BCL2: variants seen among roughly 807,000 people sequenced by gnomAD.
BCL2 encodes apoptosis regulator Bcl-2.
In BCL2, 1 loss-of-function variant was observed where a neutral mutation model predicts 14.2. That is an observed-to-expected ratio of 0.07 (90% CI 0.02 to 0.33). The LOEUF is 0.33. Ranked by LOEUF, BCL2 falls within the 10% of genes least tolerant of loss-of-function variation. BCL2 has a pLI of 0.99. For missense variants in BCL2, 247 were observed against 305.9 expected (o/e 0.81, Z 1.44); for synonymous variants, 151 against 137.2 (o/e 1.10, Z -0.70).
At chr18:63,172,581 A>G (rs980067503) in intron 2 of BCL2, among the ~76,000 whole-genome samples, 1 of 152,156 alleles carries the variant, frequency 6.6e-6, no homozygotes, top group Non-Finnish European at 1.5e-5. Flanking sequence ...GGAGATCGAG[A>G]CCATCCTAGC....
At chr18:63,302,449 C>T (rs1568263667) in intron 2 of BCL2, 20 of 985,338 alleles carry the variant, frequency 2.0e-5, no homozygotes, top group Non-Finnish European at 2.2e-5. Flanking sequence ...TGTCCCTCTG[C>T]CCGAATAATA....
rs982865178 is a variant in BCL2 at position 63,124,498 on chromosome 18, G to A, written c.*4127C>T. 1.7e-5 allele frequency: 4 copies of A among 231,584 alleles called. No homozygotes were observed. Among genetic ancestry groups the A allele is most frequent in the African/African-American group, 8.9e-5 (4 of 45,166 alleles). The allele number at this position is 231,584 out of a possible 1,614,324, so 14.3% of individuals were successfully genotyped here. A position where few individuals can be genotyped will look rare whatever the true frequency, so the allele number is the denominator to read the frequency against. Reference sequence around the variant, plus strand: ...AGGTTCTTCGCAGAGGCATCACATCGACCCCAATACAGGTCCTTCATACCC... The same window carrying A: ...AGGTTCTTCGCAGAGGCATCACATCAACCCCAATACAGGTCCTTCATACCC... On this transcript the variant is annotated 3_prime_UTR_variant, in exon 3 of 3. Coordinates refer to ENST00000333681, the MANE Select transcript of BCL2 (RefSeq NM_000633.3).
intron 2 of BCL2, among the ~76,000 whole-genome samples, chr18:63,230,353 T>C (rs938718359): frequency 6.6e-6 from 1 of 152,146 alleles, no homozygotes; most frequent in African/African-American, 2.4e-5. Context: ...ATGTTTAGCA[T>C]TGAATTTAAT....
chr18:63,198,381 CACAG>C (rs1240850446), intron 2 of BCL2, among the ~76,000 whole-genome samples: 1 of 149,342 alleles, frequency 6.7e-6, no homozygotes, highest in Admixed American at 6.7e-5. Flanking sequence ...CATAGACACA[CACAG>C]ACACCCATTG....
chr18:63,274,607 T>TTA (rs1193293051), intron 2 of BCL2, among the ~76,000 whole-genome samples: 1 of 152,110 alleles, frequency 6.6e-6, no homozygotes, highest in African/African-American at 2.4e-5. Context: ...ATACTCTAAA[T>TTA]AACACTTTTC....
chr18:63,288,182 A>G (rs1912529872), intron 2 of BCL2, among the ~76,000 whole-genome samples: 1 of 152,238 alleles, frequency 6.6e-6, no homozygotes, highest in South Asian at 2.1e-4. Context: ...TACAGCTACA[A>G]TGAAAAAGAA....
chr18:63,225,332 A>C (rs1324994225), intron 2 of BCL2, among the ~76,000 whole-genome samples: 1 of 152,184 alleles, frequency 6.6e-6, no homozygotes, highest in Non-Finnish European at 1.5e-5. Flanking sequence ...CAGACAGGTA[A>C]ATTTTTATCT....
At position 63,185,329 on chromosome 18, in the gene BCL2, G is replaced by A. The variant is rs149809770; in HGVS notation, c.586-56570C>T. On this transcript the variant is annotated intron_variant, in intron 2 of 2. Transcript: ENST00000333681. ...TCAGGTCAATTCTTTGGGTTCTAAC[G>A]TCTGACTATTTGTGATTTCACAAAG... Among the ~76,000 whole-genome samples, 41 of 152,306 alleles carry A rather than the reference G, an allele frequency of 2.7e-4. 1 individual carries two copies. Among genetic ancestry groups the A allele is most frequent in the South Asian group, 2.5e-3 (12 of 4,826 alleles).
At chr18:63,284,943 G>C (rs1178443382) in intron 2 of BCL2, among the ~76,000 whole-genome samples, 1 of 152,190 alleles carries the variant, frequency 6.6e-6, no homozygotes, top group Non-Finnish European at 1.5e-5. Context: ...CTCCAGCAAG[G>C]GCAGACGCCA....
At position 63,199,389 on chromosome 18, in the gene BCL2, GACAC is replaced by G. The variant is rs376943950; in HGVS notation, c.586-70634_586-70631del. On this transcript the variant is annotated intron_variant, in intron 2 of 2. Transcript: ENST00000333681. Reference sequence around the variant, plus strand: ...CACACAACACACACAGACATGCATAGACACACACAACACACACAGCCATAAACAT... The same window carrying G: ...CACACAACACACACAGACATGCATAGACACAACACACACAGCCATAAACAT... 5.9e-3 allele frequency among the ~76,000 whole-genome samples: 865 copies of G among 147,276 alleles called. 14 individuals are homozygous for G. The highest frequency in any genetic ancestry group is 0.021 in the African/African-American group (833 of 39,686).
intron 2 of BCL2, among the ~76,000 whole-genome samples, chr18:63,131,624 T>A (rs1003608552): frequency 6.6e-6 from 1 of 152,194 alleles, no homozygotes; most frequent in Non-Finnish European, 1.5e-5. Context: ...ATGGGTAGGC[T>A]GAAACCCCCA....
chr18:63,251,208 C>T (rs893349432), intron 2 of BCL2, among the ~76,000 whole-genome samples: 10 of 151,932 alleles, frequency 6.6e-5, no homozygotes, highest in East Asian at 3.9e-4. Flanking sequence ...ACAAGCTGTG[C>T]GTTGATGAGG....
At chr18:63,204,386 C>T (rs565175902) in intron 2 of BCL2, among the ~76,000 whole-genome samples, 2 of 152,352 alleles carry the variant, frequency 1.3e-5, no homozygotes, top group South Asian at 2.1e-4. Flanking sequence ...AAAACCTCCA[C>T]AGCGGGGCCA....
At position 63,318,799 on chromosome 18, in the gene BCL2, G is replaced by T; in HGVS notation, c.-133C>A. ...TGTGCTTTGCATTCTTGGACGAGGG[G>T]GTGTCTTCAATCACGCGGAACACTT... is the stretch of plus-strand genomic sequence containing the variant. On this transcript the variant is annotated 5_prime_UTR_variant, in exon 2 of 3. Transcript: ENST00000333681. The surrounding 1 kb of genome is among the most constrained non-coding windows in gnomAD (Gnocchi z 7.4). 6.8e-7 allele frequency: 1 copy of T among 1,469,860 alleles called. No individual in the cohort carries two copies. Among genetic ancestry groups the T allele is most frequent in the Non-Finnish European group, 9.0e-7 (1 of 1,110,626 alleles). 91.1% of individuals were successfully genotyped at this position (1,469,860 alleles called of 1,614,324 possible).
chr18:63,286,351 G>C (rs996930065), intron 2 of BCL2, among the ~76,000 whole-genome samples: 1 of 152,122 alleles, frequency 6.6e-6, no homozygotes, highest in African/African-American at 2.4e-5. Flanking sequence ...AAAACCTATT[G>C]TATATATACA....
At chr18:63,240,950 A>G (rs186233836) in intron 2 of BCL2, among the ~76,000 whole-genome samples, 39 of 152,392 alleles carry the variant, frequency 2.6e-4, no homozygotes, top group Non-Finnish European at 4.3e-4. Context: ...AATAAATACC[A>G]TGAAAATATC....
intron 2 of BCL2, among the ~76,000 whole-genome samples, chr18:63,162,358 A>C (rs1450154114): frequency 6.6e-6 from 1 of 152,066 alleles, no homozygotes; most frequent in Non-Finnish European, 1.5e-5. Flanking sequence ...CCAAAACCCC[A>C]CCAACACGTC....
intron 2 of BCL2, among the ~76,000 whole-genome samples, chr18:63,187,633 C>G (rs1051672273): frequency 2.0e-5 from 3 of 152,108 alleles, no homozygotes; most frequent in Admixed American, 1.3e-4. Context: ...CAGTAAATAG[C>G]TGAATAAAGA....
intron 2 of BCL2, among the ~76,000 whole-genome samples, chr18:63,276,257 C>T (rs967866775): frequency 2.0e-5 from 3 of 152,224 alleles, no homozygotes; most frequent in African/African-American, 7.2e-5. Context: ...AATGGCAGAT[C>T]TCTTTAAAAC....
Sources: allele counts gnomAD v4.1 joint callset (sites outside exome capture counted in the v4.1 genomes callset), GRCh38; gene constraint gnomAD v4.1.1; non-coding constraint Gnocchi (gnomAD v3.1); transcripts MANE v1.5; gene names NCBI Gene and HGNC (gene_info 2026-07-23, HGNC 2026-07-21).